STON1: variants seen among roughly 807,000 people sequenced by gnomAD.
STON1 encodes the protein stonin 1.
Under a neutral mutation model 60.9 loss-of-function variants are expected in STON1, and 79 were observed. The observed-to-expected ratio is 1.30, with a 90% CI of 1.08 to 1.56. STON1 has a LOEUF of 1.56. Among genes scored for constraint, STON1 ranks in the 40% most tolerant of loss-of-function variants. STON1 has a pLI of 0.00. For missense variants in STON1, 1,166 were observed against 858.9 expected, an observed-to-expected ratio of 1.36 and a Z score of -4.47; for synonymous variants, 363 against 306.9, an observed-to-expected ratio of 1.18 and a Z score of -1.91.
At chr2:48,549,846 A>T (rs1672022463) in intron 1 of STON1, among the ~76,000 whole-genome samples, 1 of 139,996 alleles carries the variant, frequency 7.1e-6, no homozygotes. Flanking sequence ...GAAAAGAAAA[A>T]GCAGCCTAGG....
intron 1 of STON1, among the ~76,000 whole-genome samples, chr2:48,552,430 G>A (rs1672142739): frequency 6.6e-6 from 1 of 152,104 alleles, no homozygotes; most frequent in Non-Finnish European, 1.5e-5. Context: ...TAGTGGTGAT[G>A]GTTACACAAC....
rs1463528665 is a variant in STON1 at position 48,597,558 on chromosome 2, C to A, written c.*2256C>A. 6.6e-6 allele frequency: 1 copy of A among 152,422 alleles called. No homozygotes were observed. The highest frequency in any genetic ancestry group is 1.5e-5 in the Non-Finnish European group (1 of 68,046). The allele number at this position is 152,422 out of a possible 1,614,324, so 9.4% of individuals were successfully genotyped here. On this transcript the variant is annotated 3_prime_UTR_variant, in exon 4 of 4. Coordinates refer to ENST00000404752, the MANE Select transcript of STON1 (RefSeq NM_006873.4). ...TTGACTAGTATCTGTGGGTACCTCC[C>A]TGCCCAGGTTATTCACTCACAAGCC... is the stretch of plus-strand genomic sequence containing the variant.
rs1333579038 is a variant in STON1 at position 48,530,185 on chromosome 2, C to T, written c.-79C>T. 2 of 398,890 alleles carry T rather than the reference C, an allele frequency of 5.0e-6. No homozygotes were observed. Among genetic ancestry groups the T allele is most frequent in the East Asian group, 1.5e-4 (2 of 13,138 alleles). The allele number at this position is 398,890 out of a possible 1,614,324, so 24.7% of individuals were successfully genotyped here. On this transcript the variant is annotated 5_prime_UTR_variant, in exon 1 of 4. Coordinates refer to ENST00000404752, the MANE Select transcript of STON1 (RefSeq NM_006873.4). ...CTCCGCCTCCTGGTGTGGCTGGCTG[C>T]GGCCAGAATCGGAGCCCCAACCGCG... is the stretch of plus-strand genomic sequence containing the variant.
chr2:48,587,789 G>A (rs1674298444), intron 2 of STON1, among the ~76,000 whole-genome samples: 1 of 152,162 alleles, frequency 6.6e-6, no homozygotes, highest in Admixed American at 6.5e-5. Flanking sequence ...AAATCCTTTG[G>A]GATCACAGCT....
intron 1 of STON1, among the ~76,000 whole-genome samples, chr2:48,534,348 AG>A (rs1207904703): frequency 2.0e-5 from 3 of 152,178 alleles, no homozygotes; most frequent in Non-Finnish European, 4.4e-5. Context: ...TAGAACCAGA[AG>A]GGTAACTCAT....
intron 1 of STON1, among the ~76,000 whole-genome samples, chr2:48,538,534 C>G (rs1423861198): frequency 6.6e-6 from 1 of 151,822 alleles, no homozygotes; most frequent in Non-Finnish European, 1.5e-5. Flanking sequence ...TAAATATTGC[C>G]TCTATCTTTT....
chr2:48,580,521 C>G, intron 1 of STON1, 66 bp from the exon 2 acceptor site: 1 of 1,279,828 alleles, frequency 7.8e-7, no homozygotes, highest in Non-Finnish European at 1.0e-6. Flanking sequence ...GAAGTAAAGA[C>G]ATTTAGTAAT....
Position 48,595,258 on chromosome 2 carries a change from G to T in STON1, c.2164G>T (p.Asp722Tyr). Residue 722 changes from aspartate to tyrosine, a missense_variant, in exon 4 of 4, where the codon GAT becomes TAT. Coordinates refer to ENST00000404752, the MANE Select transcript of STON1 (RefSeq NM_006873.4). ...VEIEKKWIKI[D>Y]GEDPDKIGDC... Reference sequence around the variant, plus strand: ...AATAGAAAAGAAGTGGATTAAAATCGATGGAGAAGACCCAGATAAAATTGG... The same window carrying T: ...AATAGAAAAGAAGTGGATTAAAATCTATGGAGAAGACCCAGATAAAATTGG... 1 of 1,613,864 alleles carries T rather than the reference G, an allele frequency of 6.2e-7. No individual in the cohort carries two copies. The highest frequency in any genetic ancestry group is 8.5e-7 in the Non-Finnish European group (1 of 1,179,792).
At chr2:48,571,520 A>G (rs978322857) in intron 1 of STON1, among the ~76,000 whole-genome samples, 21 of 152,178 alleles carry the variant, frequency 1.4e-4, no homozygotes, top group African/African-American at 4.8e-4. Context: ...ACAAAACAAA[A>G]CTGAAATTAC....
intron 1 of STON1, among the ~76,000 whole-genome samples, chr2:48,561,642 A>G (rs1336106905): frequency 3.3e-5 from 5 of 152,280 alleles, no homozygotes; most frequent in Middle Eastern, 6.8e-3. Flanking sequence ...TCTGGCCCCT[A>G]CTTACTAGAC....
chr2:48,530,483 G>A (rs1275678077), intron 1 of STON1: 1 of 159,184 alleles, frequency 6.3e-6, no homozygotes. Flanking sequence ...CGACTCTAAA[G>A]AGAAAACTCA....
chr2:48,582,553 C>A lies in STON1; in HGVS notation c.1920C>A (p.Asp640Glu). ...TATGGAAGATAGATCGGCTTCCAGA[C>A]AAAAATTCAAGTAAATATTCAACAC... The part of the protein sequence containing the change: ...AVVWKIDRLP[D>E]KNSSLDHPHC... The change falls in exon 2 of 4, where the codon GAC becomes GAA. Residue 640 changes from aspartate to glutamate, a missense_variant. Asp to Glu is a conservative substitution (Grantham distance 45). Transcript: ENST00000404752. The A allele has an allele frequency of 6.2e-7, 1 of 1,605,102 alleles. No homozygotes were observed. The highest frequency in any genetic ancestry group is 1.3e-5 in the African/African-American group (1 of 74,512).
At chr2:48,537,560 T>C (rs1671479095) in intron 1 of STON1, among the ~76,000 whole-genome samples, 1 of 152,152 alleles carries the variant, frequency 6.6e-6, no homozygotes, top group African/African-American at 2.4e-5. Context: ...TTTTAAAATA[T>C]TGGTCTGGCT....
At chr2:48,537,441 GTACATA>G (rs1671474546) in intron 1 of STON1, among the ~76,000 whole-genome samples, 1 of 152,138 alleles carries the variant, frequency 6.6e-6, no homozygotes, top group African/African-American at 2.4e-5. Flanking sequence ...GTTGAAACAT[GTACATA>G]AATATACATA....
intron 1 of STON1, among the ~76,000 whole-genome samples, chr2:48,533,829 G>A (rs1175439034): frequency 6.7e-6 from 1 of 148,440 alleles, no homozygotes; most frequent in Non-Finnish European, 1.5e-5. Flanking sequence ...GAGTGCAATG[G>A]CGTGATCTCA....
Position 48,582,373 on chromosome 2 carries a change from G to T in STON1, c.1740G>T (p.Lys580Asn). The T allele has an allele frequency of 6.2e-7, 1 of 1,614,144 alleles. No individual in the cohort carries two copies. The highest frequency in any genetic ancestry group is 8.5e-7 in the Non-Finnish European group (1 of 1,180,028). ...IHFPVPSQWI[K>N]ALWTMNLQRQ... ...TTCCTGTCCCATCGCAGTGGATCAA[G>T]GCCCTTTGGACCATGAACCTCCAGA... Residue 580 changes from lysine (K) to asparagine (N), a missense_variant, in exon 2 of 4, where the codon AAG becomes AAT. Coordinates refer to ENST00000404752, the MANE Select transcript of STON1 (RefSeq NM_006873.4).
chr2:48,547,445 C>T (rs1671906264), intron 1 of STON1, among the ~76,000 whole-genome samples: 1 of 152,192 alleles, frequency 6.6e-6, no homozygotes, highest in African/African-American at 2.4e-5. Flanking sequence ...AGGCCACAAC[C>T]TAGTTGTTAA....
intron 1 of STON1, among the ~76,000 whole-genome samples, chr2:48,540,298 G>A (rs933920360): frequency 1.3e-5 from 2 of 152,150 alleles, no homozygotes; most frequent in Admixed American, 1.3e-4. Flanking sequence ...TACAGTTTTT[G>A]TTGTTATAAT....
chr2:48,573,063 G>A (rs1218570459), intron 1 of STON1, among the ~76,000 whole-genome samples: 1 of 152,210 alleles, frequency 6.6e-6, no homozygotes, highest in East Asian at 1.9e-4. Context: ...GTCTTGGCTG[G>A]TTTCCAAGGT....
Sources: allele counts gnomAD v4.1 joint callset (sites outside exome capture counted in the v4.1 genomes callset), GRCh38; gene constraint gnomAD v4.1.1; transcripts MANE v1.5; gene names NCBI Gene and HGNC (gene_info 2026-07-23, HGNC 2026-07-21).